TENM4: variants seen among roughly 807,000 people sequenced by gnomAD.
The protein encoded by TENM4 is teneurin transmembrane protein 4.
A neutral mutation model predicts 243.3 loss-of-function variants in TENM4; 82 were observed. The observed-to-expected ratio is 0.34, with a 90% CI of 0.28 to 0.40. TENM4 has a LOEUF of 0.40. TENM4 is among the 10% of genes least tolerant of loss of function. The pLI is 1.00. For missense variants in TENM4, 3,138 were observed against 3,673.3 expected (o/e 0.85, Z 3.77); for synonymous variants, 1,412 against 1,456.3 (o/e 0.97, Z 0.69).
rs1305828373 is a variant in TENM4, at chr11:79,064,792, G to A, written c.439C>T (p.Arg147Trp). 1.2e-5 allele frequency: 18 copies of A among 1,551,502 alleles called. No homozygotes were observed. Among genetic ancestry groups the A allele is most frequent in the South Asian group, 5.9e-5 (5 of 84,062 alleles). ...RSGRSSCLSS[R>W]ANSNLTLTDT... ...GTGAGTGTGAGATTGGAATTGGCCC[G>A]GCTGGACAGGCAGGAGCTGCGCCCT... Residue 147 changes from arginine to tryptophan, a missense_variant, in exon 6 of 34, where the codon CGG becomes TGG. Physicochemically the swap from Arg to Trp is moderately radical, Grantham distance 101. Around this residue, in one of 2 missense-constraint regions of TENM4, gnomAD observed 671 missense variants for 614.1 expected, o/e 1.09. Coordinates refer to ENST00000278550, the MANE Select transcript of TENM4 (RefSeq NM_001098816.3).
chr11:79,192,272 A>G (rs868402511), intron 3 of TENM4, among the ~76,000 whole-genome samples: 22 of 152,308 alleles, frequency 1.4e-4, no homozygotes, highest in Middle Eastern at 3.4e-3. Context: ...GGTGTACCCA[A>G]CAGCTCATTG....
chr11:79,080,101 G>C (rs1319944437), intron 4 of TENM4, among the ~76,000 whole-genome samples: 1 of 152,206 alleles, frequency 6.6e-6, no homozygotes, highest in Non-Finnish European at 1.5e-5. Flanking sequence ...CTTCCAGACT[G>C]AAGACCGGGC....
chr11:79,130,393 T>G (rs1861977545), intron 4 of TENM4, among the ~76,000 whole-genome samples: 1 of 151,590 alleles, frequency 6.6e-6, no homozygotes, highest in Admixed American at 6.6e-5. Flanking sequence ...AAGAAATCCC[T>G]GATGTACCTG....
intron 4 of TENM4, among the ~76,000 whole-genome samples, chr11:79,075,680 C>G (rs1224053418): frequency 6.6e-6 from 1 of 152,168 alleles, no homozygotes; most frequent in Non-Finnish European, 1.5e-5. Context: ...CAAAGAGGCT[C>G]CAATCAAGAC....
At chr11:79,402,737 TC>T (rs1378186089) in intron 1 of TENM4, among the ~76,000 whole-genome samples, 1 of 152,110 alleles carries the variant, frequency 6.6e-6, no homozygotes, top group South Asian at 2.1e-4. Context: ...TTTCATCAGT[TC>T]CCCCATAGGA....
chr11:79,429,227 T>G (rs1859116939), intron 1 of TENM4, among the ~76,000 whole-genome samples: 1 of 152,184 alleles, frequency 6.6e-6, no homozygotes, highest in Admixed American at 6.5e-5. Context: ...ACAGGCAACT[T>G]TATTTTCAGG....
intron 29 of TENM4, among the ~76,000 whole-genome samples, chr11:78,685,312 T>A (rs1858639017): frequency 6.6e-6 from 1 of 152,174 alleles, no homozygotes; most frequent in African/African-American, 2.4e-5. Context: ...TACTTCTTAT[T>A]ACTTTCCACA....
intron 4 of TENM4, among the ~76,000 whole-genome samples, chr11:79,147,364 A>T (rs1325163707): frequency 2.0e-5 from 3 of 152,068 alleles, no homozygotes; most frequent in Admixed American, 2.0e-4. Context: ...CTATGGCATC[A>T]GTGAGAGATT....
chr11:79,424,985 T>C (rs1233030627), intron 1 of TENM4, among the ~76,000 whole-genome samples: 2 of 152,100 alleles, frequency 1.3e-5, no homozygotes, highest in Non-Finnish European at 2.9e-5. Context: ...CCTGGTCTAG[T>C]TGTGGCTCAG....
intron 12 of TENM4, among the ~76,000 whole-genome samples, chr11:78,818,976 AAT>A (rs1172835763): frequency 6.6e-6 from 1 of 151,910 alleles, no homozygotes; most frequent in African/African-American, 2.4e-5. Flanking sequence ...AAAAAAAAAA[AAT>A]ACATGATTTT....
At position 79,158,235 on chromosome 11, in the gene TENM4, G is replaced by A. The variant is rs146340946; in HGVS notation, c.-162-9429C>T. Among the ~76,000 whole-genome samples the A allele has an allele frequency of 3.6e-3, 549 of 152,290 alleles. 1 individual carries two copies. Among genetic ancestry groups the A allele is most frequent in the African/African-American group, 0.013 (535 of 41,558 alleles). On this transcript the variant is annotated intron_variant, in intron 3 of 33. Coordinates refer to ENST00000278550, the MANE Select transcript of TENM4 (RefSeq NM_001098816.3). ...TTTCCACAAATAAAAAATACTCATAGACACTTAAGCTTTTCTGGCCACACC... is the reference window on the plus strand; with the variant it reads ...TTTCCACAAATAAAAAATACTCATAAACACTTAAGCTTTTCTGGCCACACC...
chr11:78,902,895 G>C (rs775509066), intron 7 of TENM4, among the ~76,000 whole-genome samples: 1 of 151,870 alleles, frequency 6.6e-6, no homozygotes, highest in African/African-American at 2.4e-5. Context: ...CTGAGAGCCT[G>C]CTGTTGGTCA....
chr11:78,973,797 C>T (rs1027240433), intron 6 of TENM4, among the ~76,000 whole-genome samples: 1 of 151,030 alleles, frequency 6.6e-6, no homozygotes, highest in Non-Finnish European at 1.5e-5. Context: ...ACTTTTGCAC[C>T]AACTTAATAC....
chr11:78,854,053 C>A, intron 12 of TENM4, 51 bp downstream of exon 12: 1 of 1,504,516 alleles, frequency 6.6e-7, no homozygotes, highest in Non-Finnish European at 9.0e-7. Context: ...ATGCAGCCTC[C>A]GACCAAAAGA....
At chr11:78,867,967 G>GCTGATAGT (rs1859025078) in intron 9 of TENM4, among the ~76,000 whole-genome samples, 1 of 151,454 alleles carries the variant, frequency 6.6e-6, no homozygotes, top group Non-Finnish European at 1.5e-5. Flanking sequence ...GGGAGGGGGA[G>GCTGATAGT]CTGATAGTGA....
At chr11:78,941,729 G>A (rs1218778552) in intron 6 of TENM4, among the ~76,000 whole-genome samples, 2 of 152,190 alleles carry the variant, frequency 1.3e-5, no homozygotes, top group Non-Finnish European at 1.5e-5. Context: ...CCTGCAGCCC[G>A]AGGCTGCCTG....
chr11:78,903,333 G>A lies in TENM4; in HGVS notation c.684C>T (p.Gly228=), dbSNP rs1161870699. ...HSLSGEPPAG[G]AQEPAHAQEN... is the part of the protein sequence containing the mutation. ...CCTGGGCGTGGGCAGGCTCCTGGGCGCCGCCGGCAGGGGGCTCTCCGGAGA... is the reference window on the plus strand; with the variant it reads ...CCTGGGCGTGGGCAGGCTCCTGGGCACCGCCGGCAGGGGGCTCTCCGGAGA... Residue 228 remains glycine, a synonymous_variant, in exon 7 of 34, where the codon GGC becomes GGT. Coordinates refer to ENST00000278550, the MANE Select transcript of TENM4 (RefSeq NM_001098816.3). 8 of 1,478,686 alleles carry A rather than the reference G, an allele frequency of 5.4e-6. No individual in the cohort carries two copies. The highest frequency in any genetic ancestry group is 1.3e-5 in the South Asian group (1 of 74,082). 91.6% of individuals were successfully genotyped at this position (1,478,686 alleles called of 1,614,324 possible). A position where few individuals can be genotyped will look rare whatever the true frequency, so the allele number is the denominator to read the frequency against.
At chr11:79,214,807 C>A (rs1283154460) in intron 3 of TENM4, among the ~76,000 whole-genome samples, 1 of 152,250 alleles carries the variant, frequency 6.6e-6, no homozygotes, top group Non-Finnish European at 1.5e-5. Context: ...AGGGGCCAAT[C>A]ATCCAGGTCG....
chr11:79,042,037 A>G (rs1190139335), intron 6 of TENM4, among the ~76,000 whole-genome samples: 10 of 152,168 alleles, frequency 6.6e-5, no homozygotes, highest in Admixed American at 3.9e-4. Flanking sequence ...CCAGATTTAT[A>G]CACAATAGAC....
Sources: allele counts gnomAD v4.1 joint callset (sites outside exome capture counted in the v4.1 genomes callset), GRCh38; gene constraint gnomAD v4.1.1; regional missense constraint gnomAD v4.1.1; transcripts MANE v1.5; gene names NCBI Gene and HGNC (gene_info 2026-07-23, HGNC 2026-07-21).